Variants in RALGPS1 observed in about 807,000 individuals in gnomAD.
RALGPS1 encodes ras-specific guanine nucleotide-releasing factor RalGPS1.
In RALGPS1, 19 loss-of-function variants were observed where a neutral mutation model predicts 78.8. That is an observed-to-expected ratio of 0.24 (90% CI 0.17 to 0.35). RALGPS1 has a LOEUF of 0.35. RALGPS1 is among the 10% of genes least tolerant of loss of function. The probability of loss-of-function intolerance (pLI) is 1.00; values close to 1 mark genes in which losing one functional copy is unlikely to be tolerated. For synonymous variants in RALGPS1, 228 were observed against 256.3 expected (o/e 0.89, Z 1.06); for missense variants, 454 against 688.3 (o/e 0.66, Z 3.81).
chr9:127,125,414 G>A (rs2056539516), intron 8 of RALGPS1, among the ~76,000 whole-genome samples: 2 of 152,186 alleles, frequency 1.3e-5, no homozygotes, highest in South Asian at 4.1e-4. Flanking sequence ...TCAAATCCCA[G>A]CTCTCTCACT....
Position 127,069,266 on chromosome 9 carries a change from T to C in RALGPS1, c.520T>C (p.Leu174=), listed in dbSNP as rs1384361190. 6 of 1,611,708 alleles carry C rather than the reference T, an allele frequency of 3.7e-6. No individual in the cohort carries two copies. Among genetic ancestry groups the C allele is most frequent in the Middle Eastern group, 1.6e-4 (1 of 6,080 alleles). ...NRKDKTTFEK[L]DYLMSKEDNY... ...AAAAGACAAGACTACCTTTGAGAAATTGGACTACCTGATGTCGAAAGAAGA... is the reference window on the plus strand; with the variant it reads ...AAAAGACAAGACTACCTTTGAGAAACTGGACTACCTGATGTCGAAAGAAGA... Residue 174 remains leucine (L), a synonymous_variant, in exon 8 of 19, where the codon TTG becomes CTG. Coordinates refer to ENST00000259351, the MANE Select transcript of RALGPS1 (RefSeq NM_014636.3).
In RALGPS1 at chr9:127,050,034, A is replaced by T. The variant is rs908291738; in HGVS notation, c.301-9A>T. 24 of 1,603,570 alleles carry T rather than the reference A, an allele frequency of 1.5e-5. No individual in the cohort carries two copies. Among genetic ancestry groups the T allele is most frequent in the African/African-American group, 2.7e-5 (2 of 74,576 alleles). On this transcript the variant is annotated splice_polypyrimidine_tract_variant and intron_variant, in intron 5 of 18. Coordinates refer to ENST00000259351, the MANE Select transcript of RALGPS1 (RefSeq NM_014636.3). ...GTATGTGTGTATGTGTGTGTATTTG[A>T]CTCTACAGGTCAGTTTTTGGGTTGT...
At chr9:127,082,446 G>GCTA (rs2051271719) in intron 8 of RALGPS1, among the ~76,000 whole-genome samples, 1 of 152,212 alleles carries the variant, frequency 6.6e-6, no homozygotes, top group South Asian at 2.1e-4. Flanking sequence ...AGCTGCTGCT[G>GCTA]CTGCATAGGC....
At chr9:127,099,065 G>C (rs947070642) in intron 8 of RALGPS1, among the ~76,000 whole-genome samples, 2 of 152,210 alleles carry the variant, frequency 1.3e-5, no homozygotes, top group Non-Finnish European at 2.9e-5. Context: ...CGTGCCTGAG[G>C]TGTGGGGGGA....
intron 7 of RALGPS1, among the ~76,000 whole-genome samples, chr9:127,067,931 C>T (rs1035165749): frequency 6.6e-6 from 1 of 152,224 alleles, no homozygotes; most frequent in African/African-American, 2.4e-5. Context: ...CATTTTCTGG[C>T]ACTGGGCCTT....
intron 3 of RALGPS1, among the ~76,000 whole-genome samples, chr9:126,974,859 T>A (rs2040451487): frequency 6.6e-6 from 1 of 151,472 alleles, no homozygotes; most frequent in South Asian, 2.1e-4. Context: ...GAAACCAAGG[T>A]ACCTCTCCTG....
intron 3 of RALGPS1, among the ~76,000 whole-genome samples, chr9:126,973,903 C>T (rs576947163): frequency 6.6e-5 from 10 of 152,264 alleles, no homozygotes; most frequent in African/African-American, 2.2e-4. Flanking sequence ...TTGAGACAAT[C>T]TCACTTACTC....
At chr9:127,009,890 G>T (rs1241816882) in intron 4 of RALGPS1, among the ~76,000 whole-genome samples, 4 of 152,130 alleles carry the variant, frequency 2.6e-5, no homozygotes, top group Non-Finnish European at 5.9e-5. Flanking sequence ...CTGGAGGGAG[G>T]CAGGGAAGCA....
At chr9:126,965,407 G>A (rs1226443090) in intron 2 of RALGPS1, among the ~76,000 whole-genome samples, 2 of 151,640 alleles carry the variant, frequency 1.3e-5, no homozygotes, top group Non-Finnish European at 2.9e-5. Flanking sequence ...CCTAAGACAT[G>A]CAGTCCTGTT....
Position 127,212,049 on chromosome 9 carries a change from G to A in RALGPS1, c.1248-82G>A. ...TGGGATGTCATGGACTTGGTAGTGGGGCACCTGTGGTCCCCAGTGAGTGAG... is the reference window on the plus strand; with the variant it reads ...TGGGATGTCATGGACTTGGTAGTGGAGCACCTGTGGTCCCCAGTGAGTGAG... On this transcript the variant is annotated intron_variant, in intron 14 of 18. Transcript: ENST00000259351. The surrounding 1 kb of genome is among the most constrained non-coding windows in gnomAD (Gnocchi z 6.0). 1 of 1,111,270 alleles carries A rather than the reference G, an allele frequency of 9.0e-7. No individual in the cohort carries two copies. The highest frequency in any genetic ancestry group is 1.3e-6 in the Non-Finnish European group (1 of 775,132). The allele number at this position is 1,111,270 out of a possible 1,614,324, so 68.8% of individuals were successfully genotyped here.
At chr9:127,054,988 AGATT>A (rs1343703008) in intron 7 of RALGPS1, among the ~76,000 whole-genome samples, 1 of 133,128 alleles carries the variant, frequency 7.5e-6, no homozygotes, top group Non-Finnish European at 1.6e-5. Context: ...AAAGAGAGAG[AGATT>A]GATTGAGAGA....
chr9:126,961,815 T>C (rs1376337426), intron 1 of RALGPS1, among the ~76,000 whole-genome samples: 2 of 151,900 alleles, frequency 1.3e-5, no homozygotes, highest in African/African-American at 4.8e-5. Context: ...AAGACAAAGA[T>C]CACAAACTCT....
intron 7 of RALGPS1, among the ~76,000 whole-genome samples, chr9:127,068,301 G>A (rs1012894851): frequency 1.3e-5 from 2 of 152,222 alleles, no homozygotes; most frequent in Non-Finnish European, 2.9e-5. Flanking sequence ...ACATGGGCAT[G>A]TGAATTGTGT....
Position 127,199,384 on chromosome 9 carries a change from A to T in RALGPS1, c.1247+318A>T, listed in dbSNP as rs144527393. On this transcript the variant is annotated intron_variant, in intron 14 of 18. Transcript: ENST00000259351. ...GTGGGTTCTTGAAACCAAAAGCCTA[A>T]GAAGTGGCCTGTTCTTGAGATGGGC... Among the ~76,000 whole-genome samples the T allele has an allele frequency of 8.4e-3, 1,274 of 152,308 alleles. 11 individuals carry two copies. The highest frequency in any genetic ancestry group is 0.013 in the Non-Finnish European group (897 of 67,996).
At chr9:127,202,065 A>G (rs2061665498) in intron 14 of RALGPS1, among the ~76,000 whole-genome samples, 1 of 151,958 alleles carries the variant, frequency 6.6e-6, no homozygotes, top group Non-Finnish European at 1.5e-5. Flanking sequence ...CAGGGGCCAC[A>G]CTCTTCTATT....
intron 3 of RALGPS1, among the ~76,000 whole-genome samples, chr9:126,969,856 A>G (rs1298468830): frequency 1.3e-5 from 2 of 152,070 alleles, no homozygotes; most frequent in Non-Finnish European, 2.9e-5. Context: ...GATGGTGAAT[A>G]CTTTTTGAGA....
intron 1 of RALGPS1, among the ~76,000 whole-genome samples, chr9:126,952,490 G>A (rs988682438): frequency 2.0e-5 from 3 of 152,126 alleles, no homozygotes; most frequent in African/African-American, 7.2e-5. Context: ...GTCAGGAGGA[G>A]GTAGAGATAA....
intron 8 of RALGPS1, among the ~76,000 whole-genome samples, chr9:127,081,263 A>G (rs1377138747): frequency 6.6e-6 from 1 of 152,138 alleles, no homozygotes; most frequent in Non-Finnish European, 1.5e-5. Flanking sequence ...CTGCCCACCA[A>G]TTCTCTTGGG....
At chr9:127,216,779 T>G in intron 18 of RALGPS1, 1 of 845,096 alleles carries the variant, frequency 1.2e-6, no homozygotes, top group Non-Finnish European at 1.6e-6. Context: ...CCAGCTTGCA[T>G]TAAGAGAGGA....
Sources: gnomAD v4.1 joint callset for allele counts (sites outside exome capture counted in the v4.1 genomes callset) on GRCh38, gnomAD v4.1.1 for gene constraint, Gnocchi (gnomAD v3.1) non-coding constraint, MANE v1.5 for transcripts, NCBI Gene and HGNC (gene_info 2026-07-23, HGNC 2026-07-21) for gene names.